Variants in GRM8 observed in about 807,000 individuals in gnomAD.
GRM8 encodes glutamate metabotropic receptor 8, also known as metabotropic glutamate receptor 8.
In GRM8, 47 loss-of-function variants were observed where a neutral mutation model predicts 87.2. The ratio of observed to expected loss-of-function variants is 0.54; its 90% CI spans 0.43 to 0.69. GRM8 has a LOEUF of 0.69. Among genes scored for constraint, GRM8 ranks in the 30% least tolerant of loss-of-function variants. GRM8 has a pLI of 0.00. For missense variants in GRM8, 1,019 were observed against 1,139.2 expected, an observed-to-expected ratio of 0.89 and a Z score of 1.52; for synonymous variants, 396 against 404.5, an observed-to-expected ratio of 0.98 and a Z score of 0.25.
At chr7:126,828,060 T>G (rs561797147) in intron 6 of GRM8, among the ~76,000 whole-genome samples, 29 of 152,272 alleles carry the variant, frequency 1.9e-4, no homozygotes, top group African/African-American at 5.1e-4. Flanking sequence ...CAGGGATGAA[T>G]CCCACTTGAT....
intron 6 of GRM8, among the ~76,000 whole-genome samples, chr7:126,797,500 T>C (rs1260551500): frequency 6.6e-6 from 1 of 152,144 alleles, no homozygotes; most frequent in Non-Finnish European, 1.5e-5. Flanking sequence ...CTAAATACCA[T>C]GCCATGCTCC....
intron 2 of GRM8, chr7:127,228,880 A>G (rs1195975071): frequency 6.6e-6 from 1 of 152,224 alleles, no homozygotes; most frequent in African/African-American, 2.4e-5. Context: ...AATTCTTATC[A>G]TGCAGATATT....
chr7:126,839,415 T>G (rs1211096235), intron 6 of GRM8, among the ~76,000 whole-genome samples: 2 of 152,160 alleles, frequency 1.3e-5, no homozygotes, highest in Non-Finnish European at 2.9e-5. Context: ...TTTGGGTAAA[T>G]GGAATCACTC....
chr7:126,822,690 C>T (rs1483211154), intron 6 of GRM8, among the ~76,000 whole-genome samples: 4 of 152,060 alleles, frequency 2.6e-5, no homozygotes, highest in African/African-American at 9.7e-5. Context: ...CCTGCCTCAG[C>T]CTCAAAGTAT....
At chr7:126,725,345 A>G (rs146876264) in intron 7 of GRM8, among the ~76,000 whole-genome samples, 6 of 152,306 alleles carry the variant, frequency 3.9e-5, no homozygotes, top group Non-Finnish European at 7.3e-5. Context: ...GTGATGCTCA[A>G]GACCTCACAA....
intron 9 of GRM8, among the ~76,000 whole-genome samples, chr7:126,486,534 G>C (rs1050336350): frequency 1.1e-4 from 17 of 151,942 alleles, no homozygotes; most frequent in African/African-American, 3.9e-4. Context: ...TCACCATCTT[G>C]AAGGCTGGAA....
chr7:126,487,765 T>C (rs1051347708), intron 9 of GRM8, among the ~76,000 whole-genome samples: 31 of 152,048 alleles, frequency 2.0e-4, no homozygotes, highest in African/African-American at 7.2e-4. Flanking sequence ...AAAAAAAGTA[T>C]TTAAGAACGG....
chr7:126,669,658 C>A (rs1264103572), intron 7 of GRM8, among the ~76,000 whole-genome samples: 1 of 152,194 alleles, frequency 6.6e-6, no homozygotes, highest in Non-Finnish European at 1.5e-5. Flanking sequence ...TATAGTCAAA[C>A]CTTGGTTGCA....
intron 10 of GRM8, among the ~76,000 whole-genome samples, chr7:126,444,537 T>C (rs899444430): frequency 1.3e-5 from 2 of 152,036 alleles, no homozygotes; most frequent in Non-Finnish European, 2.9e-5. Context: ...GATAATCTTT[T>C]TAGAACCAAT....
intron 3 of GRM8, among the ~76,000 whole-genome samples, chr7:127,101,769 G>T (rs188173766): frequency 1.3e-5 from 2 of 152,300 alleles, no homozygotes; most frequent in Non-Finnish European, 1.5e-5. Flanking sequence ...GTGCTGAGGG[G>T]TGGGGCATTG....
chr7:126,651,412 T>A (rs1025944037), intron 7 of GRM8, among the ~76,000 whole-genome samples: 8 of 152,188 alleles, frequency 5.3e-5, no homozygotes, highest in Non-Finnish European at 1.0e-4. Flanking sequence ...CTGTGTATGC[T>A]CTGAATCGGC....
chr7:126,660,652 T>A (rs1805062092), intron 7 of GRM8, among the ~76,000 whole-genome samples: 1 of 152,226 alleles, frequency 6.6e-6, no homozygotes, highest in Non-Finnish European at 1.5e-5. Context: ...AAAATCAGTA[T>A]GGCTGAATAA....
At chr7:126,951,645 T>A (rs571288725) in intron 3 of GRM8, among the ~76,000 whole-genome samples, 1 of 152,188 alleles carries the variant, frequency 6.6e-6, no homozygotes, top group Non-Finnish European at 1.5e-5. Flanking sequence ...TCAGTAAATA[T>A]GTTTCTCGCA....
At chr7:126,870,177 C>G (rs929747305) in intron 6 of GRM8, 1 of 152,168 alleles carries the variant, frequency 6.6e-6, no homozygotes, top group Non-Finnish European at 1.5e-5. Flanking sequence ...TTCCTCACCT[C>G]GATCAGCCCT....
At chr7:126,701,948 C>T in intron 7 of GRM8, 1 of 339,482 alleles carries the variant, frequency 2.9e-6, no homozygotes, top group Non-Finnish European at 6.0e-6. Flanking sequence ...ATCATGCTAC[C>T]CATTTCTTTC....
At chr7:126,691,214 G>A (rs1808771152) in intron 7 of GRM8, among the ~76,000 whole-genome samples, 1 of 152,212 alleles carries the variant, frequency 6.6e-6, no homozygotes, top group Non-Finnish European at 1.5e-5. Flanking sequence ...AAGTCCAGAG[G>A]GGGCTAAGGT....
intron 2 of GRM8, among the ~76,000 whole-genome samples, chr7:127,152,570 C>T (rs1339399677): frequency 1.3e-5 from 2 of 152,164 alleles, no homozygotes; most frequent in Non-Finnish European, 2.9e-5. Context: ...TGAGAATCAG[C>T]AGACTAGCTA....
rs921852915 is a variant in GRM8 at position 126,607,715 on chromosome 7, T to C, written c.1494+1647A>G. 2.6e-5 allele frequency among the ~76,000 whole-genome samples: 4 copies of C among 152,138 alleles called. No homozygotes were observed. In the South Asian group the frequency reaches 8.3e-4, roughly 32 times the overall value. On this transcript the variant is annotated intron_variant, in intron 8 of 10. Transcript: ENST00000339582. ...TTATGTATTTTTATTATTATTATTA[T>C]ACTTTAAGTTTTAGGGTACATGTGC... is the stretch of plus-strand genomic sequence containing the variant.
chr7:126,777,873 A>G (rs2151630608), intron 6 of GRM8, among the ~76,000 whole-genome samples: 1 of 152,300 alleles, frequency 6.6e-6, no homozygotes, highest in East Asian at 1.9e-4. Context: ...TCCCAAGCAA[A>G]AGGACTGGAC....
Sources: allele counts gnomAD v4.1 joint callset (sites outside exome capture counted in the v4.1 genomes callset), GRCh38; gene constraint gnomAD v4.1.1; transcripts MANE v1.5; gene names NCBI Gene and HGNC (gene_info 2026-07-23, HGNC 2026-07-21).